SNTG2: variants seen among roughly 807,000 people sequenced by gnomAD.
The protein encoded by SNTG2 is syntrophin gamma 2, also known as gamma-2-syntrophin.
Under a neutral mutation model 70.9 loss-of-function variants are expected in SNTG2, and 74 were observed. That is an observed-to-expected ratio of 1.04 (90% confidence interval 0.86 to 1.27). SNTG2 has a LOEUF of 1.27. Ranked by LOEUF, SNTG2 falls within the 50% of genes most tolerant of loss-of-function variation. The pLI, the probability that SNTG2 is intolerant of heterozygous loss-of-function variation, is 0.00. For synonymous variants in SNTG2, 278 were observed against 273.8 expected, an observed-to-expected ratio of 1.02 and a Z score of -0.15; for missense variants, 717 against 690.7, an observed-to-expected ratio of 1.04 and a Z score of -0.43.
rs1668468156 is a variant in SNTG2, at chr2:1,137,487, C to T, written c.326-135C>T. The T allele has an allele frequency of 3.6e-6, 3 of 831,654 alleles. No individual in the cohort carries two copies. The East Asian group carries it at 7.9e-5, about 22-fold the overall frequency. 51.5% of individuals were successfully genotyped at this position (831,654 alleles called of 1,614,324 possible). ...ACCTGCACACACAAACACACATCTG[C>T]TCACGTGGACACATGCACACACACA... On this transcript the variant is annotated intron_variant, in intron 4 of 16. Coordinates refer to ENST00000308624, the MANE Select transcript of SNTG2 (RefSeq NM_018968.4).
intron 1 of SNTG2, among the ~76,000 whole-genome samples, chr2:1,002,917 T>C (rs1160407632): frequency 1.3e-5 from 2 of 151,766 alleles, no homozygotes; most frequent in Middle Eastern, 6.8e-3. Context: ...TAGTCACCCA[T>C]AAAAAAGAAT....
intron 8 of SNTG2, among the ~76,000 whole-genome samples, chr2:1,206,078 A>G (rs1326602282): frequency 1.3e-5 from 2 of 152,234 alleles, no homozygotes; most frequent in Non-Finnish European, 2.9e-5. Context: ...AGATTACAAA[A>G]AGCTGACAGG....
At chr2:959,410 A>G (rs1285075192) in intron 1 of SNTG2, among the ~76,000 whole-genome samples, 3 of 152,102 alleles carry the variant, frequency 2.0e-5, no homozygotes, top group Non-Finnish European at 4.4e-5. Flanking sequence ...GTCGTGACCT[A>G]CAGATTCTTT....
At chr2:1,120,253 A>G (rs1667296859) in intron 4 of SNTG2, among the ~76,000 whole-genome samples, 2 of 152,186 alleles carry the variant, frequency 1.3e-5, no homozygotes, top group South Asian at 2.1e-4. Context: ...AGAAAATGGT[A>G]TTGGTTATTA....
chr2:1,012,649 AG>A (rs1659768380), intron 1 of SNTG2, among the ~76,000 whole-genome samples: 1 of 134,740 alleles, frequency 7.4e-6, no homozygotes, highest in Non-Finnish European at 1.6e-5. Context: ...GGTGGTCTGT[AG>A]AGGGATTTAT....
intron 11 of SNTG2, among the ~76,000 whole-genome samples, chr2:1,245,029 C>G (rs1027100350): frequency 7.4e-5 from 11 of 149,354 alleles, no homozygotes; most frequent in African/African-American, 2.7e-4. Context: ...GGACAAAAAA[C>G]CAAACACCGC....
chr2:1,252,114 A>T (rs2148143499), intron 12 of SNTG2, among the ~76,000 whole-genome samples: 1 of 152,350 alleles, frequency 6.6e-6, no homozygotes, highest in African/African-American at 2.4e-5. Context: ...GTGAGGCTGC[A>T]GGAACCGTGA....
At chr2:1,337,116 C>T (rs1659856869) in intron 16 of SNTG2, among the ~76,000 whole-genome samples, 1 of 152,116 alleles carries the variant, frequency 6.6e-6, no homozygotes, top group African/African-American at 2.4e-5. Context: ...AGGCTGCTTC[C>T]ATTCTTTGGC....
chr2:1,308,523 A>T lies in SNTG2; in HGVS notation c.1314A>T (p.Gly438=). The T allele has an allele frequency of 6.4e-7, 1 of 1,551,688 alleles. No individual in the cohort carries two copies. Among genetic ancestry groups the T allele is most frequent in the Non-Finnish European group, 8.7e-7 (1 of 1,146,992 alleles). The change falls in exon 15 of 17, where the codon GGA becomes GGT. Residue 438 remains glycine, a synonymous_variant. Coordinates refer to ENST00000308624, the MANE Select transcript of SNTG2 (RefSeq NM_018968.4). ...GSRTYMCSWQ[G]EMLCFTVDFA... ...GAACATACATGTGCAGCTGGCAAGG[A>T]GAGATGCTGTGTTTCACGGTGGATT... is the stretch of plus-strand genomic sequence containing the variant.
chr2:1,170,626 G>GTT (rs747586498), intron 7 of SNTG2, among the ~76,000 whole-genome samples: 48,208 of 151,822 alleles, frequency 0.32, 8,187 homozygotes, highest in East Asian at 0.65. Context: ...TTCAGAGTCC[G>GTT]CCCCCAATGT....
At chr2:1,255,230 G>A (rs1361571424) in intron 12 of SNTG2, among the ~76,000 whole-genome samples, 1 of 152,170 alleles carries the variant, frequency 6.6e-6, no homozygotes, top group East Asian at 1.9e-4. Context: ...TCTGCAGTAA[G>A]GAATTCGTTT....
chr2:1,197,585 G>A (rs1673007276), intron 8 of SNTG2, among the ~76,000 whole-genome samples: 1 of 151,310 alleles, frequency 6.6e-6, no homozygotes, highest in Admixed American at 6.6e-5. Flanking sequence ...CACTCAGTCT[G>A]GGGTGCAGTG....
chr2:1,349,053 C>T (rs1226309380), intron 16 of SNTG2, among the ~76,000 whole-genome samples: 2 of 152,192 alleles, frequency 1.3e-5, no homozygotes, highest in Non-Finnish European at 2.9e-5. Flanking sequence ...TTCAAATCTT[C>T]CTTATGAAGA....
chr2:1,140,945 A>G (rs912556878), intron 6 of SNTG2, among the ~76,000 whole-genome samples: 4 of 152,262 alleles, frequency 2.6e-5, no homozygotes, highest in Admixed American at 6.5e-5. Context: ...AGCTTTTACT[A>G]TGATTACGAA....
intron 1 of SNTG2, among the ~76,000 whole-genome samples, chr2:1,043,975 A>C (rs1661585678): frequency 6.6e-6 from 1 of 152,200 alleles, no homozygotes; most frequent in Admixed American, 6.5e-5. Context: ...TGGGAATAAC[A>C]CTGAATCTGT....
At chr2:1,104,371 C>A (rs778733300) in intron 4 of SNTG2, among the ~76,000 whole-genome samples, 1 of 152,242 alleles carries the variant, frequency 6.6e-6, no homozygotes, top group Non-Finnish European at 1.5e-5. Flanking sequence ...TCTTTTCAGA[C>A]GAGCTGAGTG....
chr2:1,221,367 C>G (rs550558665), intron 9 of SNTG2, among the ~76,000 whole-genome samples: 1 of 152,138 alleles, frequency 6.6e-6, no homozygotes, highest in Admixed American at 6.5e-5. Flanking sequence ...CTCTGCCTCT[C>G]TCTGTGTCTC....
At chr2:1,235,160 TGA>T (rs1388102034) in intron 9 of SNTG2, among the ~76,000 whole-genome samples, 12 of 144,026 alleles carry the variant, frequency 8.3e-5, no homozygotes, top group Non-Finnish European at 1.2e-4. Flanking sequence ...CCCCGATTCA[TGA>T]GAGGGGGCGC....
chr2:964,154 A>C (rs1206030325), intron 1 of SNTG2, among the ~76,000 whole-genome samples: 1 of 152,214 alleles, frequency 6.6e-6, no homozygotes, highest in Admixed American at 6.5e-5. Flanking sequence ...CTTGTAATGA[A>C]GCTCCAAGGT....
Sources: gnomAD v4.1 joint callset for allele counts (sites outside exome capture counted in the v4.1 genomes callset) on GRCh38, gnomAD v4.1.1 for gene constraint, MANE v1.5 for transcripts, NCBI Gene and HGNC (gene_info 2026-07-23, HGNC 2026-07-21) for gene names.